The following MYO18B variants were observed in gnomAD, a reference collection of about 807,000 sequenced individuals.
MYO18B encodes myosin XVIIIB.
Under a neutral mutation model 273.0 loss-of-function variants are expected in MYO18B, and 204 were observed. The ratio of observed to expected loss-of-function variants is 0.75; its 90% confidence interval spans 0.67 to 0.84. The LOEUF is 0.84. MYO18B is among the 40% of genes least tolerant of loss of function. MYO18B has a pLI of 0.00. For missense variants in MYO18B, 3,212 were observed against 3,287.6 expected, an observed-to-expected ratio of 0.98 and a Z score of 0.56; for synonymous variants, 1,330 against 1,305.7, an observed-to-expected ratio of 1.02 and a Z score of -0.40.
chr22:25,868,601 C>A (rs1601408125), intron 22 of MYO18B, among the ~76,000 whole-genome samples: 1 of 152,170 alleles, frequency 6.6e-6, no homozygotes, highest in East Asian at 1.9e-4. Flanking sequence ...AATATCATTT[C>A]TTGGAGGCTT....
intron 41 of MYO18B, among the ~76,000 whole-genome samples, chr22:26,003,574 T>C (rs1934168465): frequency 6.6e-6 from 1 of 152,202 alleles, no homozygotes; most frequent in South Asian, 2.1e-4. Flanking sequence ...GAACAGACTT[T>C]TTACACTGAT....
At chr22:25,855,185 G>A (rs1009371760) in intron 21 of MYO18B, among the ~76,000 whole-genome samples, 1 of 151,946 alleles carries the variant, frequency 6.6e-6, no homozygotes, top group African/African-American at 2.4e-5. Flanking sequence ...CCACTTATAA[G>A]TGAGAACATG....
chr22:26,053,849 T>A, the MYO18B span, among the ~76,000 whole-genome samples: 3 of 152,238 alleles, frequency 2.0e-5, no homozygotes, highest in African/African-American at 7.2e-5. Context: ...CTTCCAGATT[T>A]GGTTTTATGA....
At chr22:25,804,821 A>G (rs1449216489) in intron 12 of MYO18B, among the ~76,000 whole-genome samples, 1 of 152,200 alleles carries the variant, frequency 6.6e-6, no homozygotes, top group African/African-American at 2.4e-5. Context: ...ATGTTGCCTG[A>G]CAGCCTTGGC....
At chr22:25,774,516 T>C (rs2086842706) in intron 7 of MYO18B, among the ~76,000 whole-genome samples, 1 of 152,234 alleles carries the variant, frequency 6.6e-6, no homozygotes, top group Non-Finnish European at 1.5e-5. Context: ...CGCCAAAAGA[T>C]GCAGGCATTG....
rs576149209 is a variant in MYO18B, at chr22:25,902,792, A to G, written c.4947+56A>G. 7.8e-6 allele frequency: 12 copies of G among 1,530,318 alleles called. No homozygotes were observed. In the East Asian group the frequency reaches 2.9e-4, roughly 37 times the overall value. The allele number at this position is 1,530,318 out of a possible 1,614,324, so 94.8% of individuals were successfully genotyped here. ...GCTCTTGGTGGCTAAATCTCGGGAA[A>G]CTGCATCGTGCACCTGCTGCAAATG... On this transcript the variant is annotated intron_variant, in intron 30 of 43. Transcript: ENST00000335473.
chr22:26,027,725 A>G lies in MYO18B; in HGVS notation c.*12+35A>G. The stretch of plus-strand genomic sequence containing the variant: ...ACAGGCTGGGGCTATTCTTGGGGGA[A>G]TGAGAGTTCACCTTGCAGCCTTGGG... On this transcript the variant is annotated intron_variant, in intron 43 of 43. Transcript: ENST00000335473. The surrounding 1 kb of genome is among the most constrained non-coding windows in gnomAD (Gnocchi z 4.1). The G allele has an allele frequency of 1.3e-6, 2 of 1,536,920 alleles. No homozygotes were observed. The highest frequency in any genetic ancestry group is 8.8e-7 in the Non-Finnish European group (1 of 1,141,782).
At chr22:26,018,459 G>A (rs999024546) in intron 42 of MYO18B, among the ~76,000 whole-genome samples, 1 of 152,092 alleles carries the variant, frequency 6.6e-6, no homozygotes, top group African/African-American at 2.4e-5. Context: ...GCTAGGGGTG[G>A]GGGAGCTTCC....
intron 12 of MYO18B, among the ~76,000 whole-genome samples, chr22:25,806,431 G>T (rs773342652): frequency 1.7e-4 from 26 of 152,188 alleles, no homozygotes; most frequent in Non-Finnish European, 2.9e-4. Flanking sequence ...GCCTGCTCTT[G>T]TGGTGGCAAT....
chr22:25,799,294 C>G (rs2088079890), intron 12 of MYO18B, among the ~76,000 whole-genome samples: 1 of 152,100 alleles, frequency 6.6e-6, no homozygotes, highest in African/African-American at 2.4e-5. Context: ...TCTGGAGGCT[C>G]TCCCTTGCCT....
the MYO18B span, among the ~76,000 whole-genome samples, chr22:26,054,393 A>C: frequency 6.6e-6 from 1 of 152,186 alleles, no homozygotes. Flanking sequence ...CCCAAGCAGC[A>C]GAGCCCCATG....
intron 34 of MYO18B, among the ~76,000 whole-genome samples, chr22:25,922,789 C>T (rs558226143): frequency 4.9e-4 from 74 of 152,304 alleles, no homozygotes; most frequent in Non-Finnish European, 3.5e-4. Context: ...TTGGAAACAG[C>T]GATCCCACAG....
At chr22:25,838,630 T>C (rs1435457089) in intron 17 of MYO18B, among the ~76,000 whole-genome samples, 1 of 152,222 alleles carries the variant, frequency 6.6e-6, no homozygotes, top group East Asian at 1.9e-4. Context: ...GCTTACAGTA[T>C]TCAGTGTGGT....
intron 32 of MYO18B, 36 bp downstream of exon 32, chr22:25,908,468 C>T: frequency 6.5e-7 from 1 of 1,529,516 alleles, no homozygotes. Flanking sequence ...GCCCTTGGAT[C>T]CTGGCAGGTC....
rs398036691 is a variant in MYO18B, at chr22:25,814,294, C to CTTTTTTTTTTTTT, written c.2522-9180_2522-9168dup. Among the ~76,000 whole-genome samples, 24 of 59,494 alleles carry CTTTTTTTTTTTTT rather than the reference C, an allele frequency of 4.0e-4. 3 individuals carry two copies. The highest frequency in any genetic ancestry group is 6.8e-4 in the Non-Finnish European group (21 of 30,814). 39.0% of individuals were successfully genotyped at this position (59,494 alleles called of 152,430 possible). ...GCTTGCCATGCTCCCAGGCACCGTTCTTTTTTTTTTTTTTTTTTTTTTTTT... is the reference window on the plus strand; with the variant it reads ...GCTTGCCATGCTCCCAGGCACCGTTCTTTTTTTTTTTTTTTTTTTTTTTTTTTTTTTTTTTTTT... On this transcript the variant is annotated intron_variant, in intron 12 of 43. Coordinates refer to ENST00000335473, the MANE Select transcript of MYO18B (RefSeq NM_032608.7).
chr22:25,895,038 C>G (rs74425285), intron 27 of MYO18B, 118 bp from the exon 28 acceptor site: 1 of 1,237,786 alleles, frequency 8.1e-7, no homozygotes, highest in African/African-American at 1.5e-5. Context: ...GGCTCAAGGG[C>G]TCTGTGAATA....
rs564922824 is a variant in MYO18B at position 25,972,332 on chromosome 22, T to C, written c.6156+16968T>C. 1.7e-4 allele frequency among the ~76,000 whole-genome samples: 26 copies of C among 152,278 alleles called. 1 individual carries two copies. The South Asian group carries it at 5.2e-3, about 30-fold the overall frequency. On this transcript the variant is annotated intron_variant, in intron 39 of 43. Coordinates refer to ENST00000335473, the MANE Select transcript of MYO18B (RefSeq NM_032608.7). The stretch of plus-strand genomic sequence containing the variant: ...AGCTGGAGGTATATTTTAAGTTGCA[T>C]TATGTATAGCTTGTATTTACTTGTT...
At chr22:26,062,050 G>A in the MYO18B span, among the ~76,000 whole-genome samples, 2 of 152,196 alleles carry the variant, frequency 1.3e-5, no homozygotes, top group Admixed American at 6.5e-5. Context: ...TTTCTTCTCT[G>A]TGTGGGGATC....
intron 16 of MYO18B, among the ~76,000 whole-genome samples, chr22:25,833,372 G>A (rs886185844): frequency 5.3e-5 from 8 of 152,178 alleles, no homozygotes; most frequent in African/African-American, 1.7e-4. Context: ...TGAAGGTGCT[G>A]TGCCCAGCAG....
Sources: gnomAD v4.1 joint callset for allele counts (sites outside exome capture counted in the v4.1 genomes callset) on GRCh38, gnomAD v4.1.1 for gene constraint, Gnocchi (gnomAD v3.1) non-coding constraint, MANE v1.5 for transcripts, NCBI Gene and HGNC (gene_info 2026-07-23, HGNC 2026-07-21) for gene names.